The following CTNNA2 variants were observed in gnomAD, a reference collection of about 807,000 sequenced individuals.
The protein encoded by CTNNA2 is catenin alpha 2.
In CTNNA2, 42 loss-of-function variants were observed where a neutral mutation model predicts 101.0. The ratio of observed to expected loss-of-function variants is 0.42; its 90% CI spans 0.32 to 0.54. The LOEUF (loss-of-function observed/expected upper bound fraction) is 0.54. Ranked by LOEUF, CTNNA2 falls within the 20% of genes least tolerant of loss-of-function variation. CTNNA2 has a pLI of 0.14. For synonymous variants in CTNNA2, 450 were observed against 456.4 expected, an observed-to-expected ratio of 0.99 and a Z score of 0.18; for missense variants, 871 against 1,223.1, an observed-to-expected ratio of 0.71 and a Z score of 4.29.
rs1703375591 is a variant in CTNNA2 at position 80,146,813 on chromosome 2, C to T, written c.1056+237016C>T. On this transcript the variant is annotated intron_variant, in intron 7 of 18. Transcript: ENST00000402739. ...AATCTCGGCTCACTGCAACCTCTGC[C>T]TACCAGGTTCAAGTGATTCTCCTGC... Among the ~76,000 whole-genome samples the T allele has an allele frequency of 2.8e-5, 4 of 143,926 alleles. No homozygotes were observed. In the South Asian group the frequency reaches 9.1e-4, roughly 33 times the overall value. 94.4% of individuals were successfully genotyped at this position (143,926 alleles called of 152,430 possible).
intron 1 of CTNNA2, among the ~76,000 whole-genome samples, chr2:79,587,137 CGT>C (rs1217589556): frequency 1.3e-5 from 2 of 152,088 alleles, no homozygotes; most frequent in Non-Finnish European, 2.9e-5. Context: ...CGTGTGTGCG[CGT>C]GTGTCTTTTT....
At chr2:79,222,870 A>G (rs10182507) in intron 2 of CTNNA2, among the ~76,000 whole-genome samples, 3,983 of 152,192 alleles carry the variant, frequency 0.026, 159 homozygotes, top group East Asian at 0.16. Context: ...GCCCCAGACC[A>G]AACACAGTGG....
intron 4 of CTNNA2, among the ~76,000 whole-genome samples, chr2:79,859,290 A>G (rs543514121): frequency 6.6e-6 from 1 of 152,004 alleles, no homozygotes; most frequent in Non-Finnish European, 1.5e-5. Flanking sequence ...GGACCAGGGG[A>G]GATAGGAAAT....
intron 7 of CTNNA2, among the ~76,000 whole-genome samples, chr2:79,962,376 A>T (rs2104535975): frequency 6.6e-6 from 1 of 152,174 alleles, no homozygotes; most frequent in South Asian, 2.1e-4. Flanking sequence ...TGACCTATTC[A>T]CCTCCCAAAG....
At chr2:80,122,761 A>G (rs1290684361) in intron 7 of CTNNA2, among the ~76,000 whole-genome samples, 1 of 152,128 alleles carries the variant, frequency 6.6e-6, no homozygotes, top group Non-Finnish European at 1.5e-5. Context: ...GCGCATGTGC[A>G]TATGTGTGTG....
At chr2:79,251,048 T>G (rs1400894386) in intron 2 of CTNNA2, among the ~76,000 whole-genome samples, 2 of 152,190 alleles carry the variant, frequency 1.3e-5, no homozygotes, top group African/African-American at 4.8e-5. Flanking sequence ...AATCTGGCAC[T>G]TCCTACAGGT....
At chr2:79,648,335 C>G (rs970501934) in intron 1 of CTNNA2, among the ~76,000 whole-genome samples, 1 of 152,148 alleles carries the variant, frequency 6.6e-6, no homozygotes, top group Non-Finnish European at 1.5e-5. Context: ...TTTGTTCATA[C>G]TAGAACTCTG....
At chr2:79,974,243 G>A (rs1233111078) in intron 7 of CTNNA2, among the ~76,000 whole-genome samples, 1 of 152,144 alleles carries the variant, frequency 6.6e-6, no homozygotes, top group East Asian at 1.9e-4. Flanking sequence ...GAAGTCTGCT[G>A]TAGAGATAAT....
intron 1 of CTNNA2, among the ~76,000 whole-genome samples, chr2:79,642,570 G>T (rs937748841): frequency 6.6e-6 from 1 of 152,122 alleles, no homozygotes; most frequent in African/African-American, 2.4e-5. Flanking sequence ...GTTAATGGAG[G>T]AAGATAAGAA....
chr2:79,973,688 T>C (rs531723692), intron 7 of CTNNA2, among the ~76,000 whole-genome samples: 8 of 152,256 alleles, frequency 5.3e-5, no homozygotes, highest in African/African-American at 1.9e-4. Context: ...CATAGTAAAC[T>C]ATGTATGTAT....
Position 79,853,371 on chromosome 2 carries a change from A to G in CTNNA2, c.299-4642A>G, listed in dbSNP as rs13397676. Among the ~76,000 whole-genome samples, 237 of 152,282 alleles carry G rather than the reference A, an allele frequency of 1.6e-3. 1 individual carries two copies. Among genetic ancestry groups the G allele is most frequent in the African/African-American group, 5.1e-3 (211 of 41,568 alleles). ...TTGACCAGGCTGGATGAAAAAGACGAGTTAAATCCTCTTCAGCCTCTAAGA... is the reference window on the plus strand; with the variant it reads ...TTGACCAGGCTGGATGAAAAAGACGGGTTAAATCCTCTTCAGCCTCTAAGA... On this transcript the variant is annotated intron_variant, in intron 3 of 18. Transcript: ENST00000402739.
chr2:79,405,689 C>T (rs983136721), intron 4 of CTNNA2, among the ~76,000 whole-genome samples: 1 of 151,960 alleles, frequency 6.6e-6, no homozygotes, highest in African/African-American at 2.4e-5. Context: ...ATGGGATACA[C>T]AGCGATGTTA....
At chr2:79,886,978 A>T (rs941602463) in intron 6 of CTNNA2, among the ~76,000 whole-genome samples, 2 of 151,626 alleles carry the variant, frequency 1.3e-5, no homozygotes, top group Non-Finnish European at 2.9e-5. Flanking sequence ...CACCACACCC[A>T]GCAAGTTTTG....
At chr2:80,264,957 G>A (rs1672891224) in intron 7 of CTNNA2, among the ~76,000 whole-genome samples, 1 of 138,400 alleles carries the variant, frequency 7.2e-6, no homozygotes, top group African/African-American at 2.7e-5. Flanking sequence ...AGAAAGGATA[G>A]GGAAGGATAG....
intron 4 of CTNNA2, among the ~76,000 whole-genome samples, chr2:79,867,037 G>C (rs78198100): frequency 2.0e-5 from 3 of 152,094 alleles, no homozygotes; most frequent in African/African-American, 7.2e-5. Context: ...GTGGGGCCCA[G>C]ACAGGTGTAT....
At chr2:80,355,312 A>G (rs1673679609) in intron 7 of CTNNA2, among the ~76,000 whole-genome samples, 1 of 152,190 alleles carries the variant, frequency 6.6e-6, no homozygotes, top group African/African-American at 2.4e-5. Context: ...AGCAGAAGCC[A>G]TCTAGAACAG....
chr2:79,299,490 C>T (rs534920168), intron 2 of CTNNA2, among the ~76,000 whole-genome samples: 2 of 152,308 alleles, frequency 1.3e-5, no homozygotes, highest in African/African-American at 4.8e-5. Context: ...ATTCTCCTTT[C>T]CCGATTCTAA....
intron 4 of CTNNA2, among the ~76,000 whole-genome samples, chr2:79,435,986 C>T (rs913456810): frequency 6.6e-6 from 1 of 152,138 alleles, no homozygotes; most frequent in African/African-American, 2.4e-5. Flanking sequence ...AGTTACCTAT[C>T]TCTTACATCA....
intron 2 of CTNNA2, among the ~76,000 whole-genome samples, chr2:79,692,388 G>A (rs1414457240): frequency 6.6e-6 from 1 of 152,176 alleles, no homozygotes; most frequent in Non-Finnish European, 1.5e-5. Flanking sequence ...TGGAGAGGAT[G>A]TGGAGAAATA....
Sources: gnomAD v4.1 joint callset for allele counts (sites outside exome capture counted in the v4.1 genomes callset) on GRCh38, gnomAD v4.1.1 for gene constraint, MANE v1.5 for transcripts, NCBI Gene and HGNC (gene_info 2026-07-23, HGNC 2026-07-21) for gene names.